GNAL: variants seen among roughly 807,000 people sequenced by gnomAD.
The protein encoded by GNAL is G protein subunit alpha L.
Under a neutral mutation model 55.1 loss-of-function variants are expected in GNAL, and 18 were observed. The observed-to-expected ratio is 0.33, with a 90% CI of 0.23 to 0.48. GNAL has a LOEUF of 0.48. GNAL is among the 20% of genes least tolerant of loss of function. The pLI is 0.99. For synonymous variants in GNAL, 253 were observed against 237.0 expected (o/e 1.07, Z -0.62); for missense variants, 412 against 614.1 (o/e 0.67, Z 3.48).
In GNAL at chr18:11,881,382, G is replaced by GA. The variant is rs142055792; in HGVS notation, c.*249dup. The GA allele has an allele frequency of 4.4e-3, 1,907 of 436,506 alleles. 30 individuals carry two copies. The highest frequency in any genetic ancestry group is 0.035 in the African/African-American group (1,777 of 50,806). The allele number at this position is 436,506 out of a possible 1,614,324, so 27.0% of individuals were successfully genotyped here. A position where few individuals can be genotyped will look rare whatever the true frequency, so the allele number is the denominator to read the frequency against. ...GACTCTCATTGCCGACACTGCAGCA[G>GA]AATCTCTCCGGGTGGGAGCCCCATT... On this transcript the variant is annotated 3_prime_UTR_variant, in exon 12 of 12. Coordinates refer to ENST00000334049, the MANE Select transcript of GNAL (RefSeq NM_182978.4). The surrounding 1 kb of genome is among the most constrained non-coding windows in gnomAD (Gnocchi z 4.8).
chr18:11,769,656 T>C (rs1449061226), intron 4 of GNAL, among the ~76,000 whole-genome samples: 2 of 152,228 alleles, frequency 1.3e-5, no homozygotes, highest in Non-Finnish European at 1.5e-5. Context: ...GTAAAGAATA[T>C]GTTCAAACAA....
intron 1 of GNAL, among the ~76,000 whole-genome samples, chr18:11,723,011 CA>C (rs61457198): frequency 0.018 from 1,472 of 79,944 alleles, 24 homozygotes; most frequent in African/African-American, 0.064. Context: ...AACTTCATCT[CA>C]AAAAAAAAAA....
At chr18:11,730,790 A>G (rs2032322461) in intron 1 of GNAL, among the ~76,000 whole-genome samples, 1 of 152,122 alleles carries the variant, frequency 6.6e-6, no homozygotes, top group Non-Finnish European at 1.5e-5. Flanking sequence ...AAAATAAAAT[A>G]AAGACTTGAA....
rs8098896 is a variant in GNAL at position 11,715,321 on chromosome 18, C to T, written c.376+25382C>T. On this transcript the variant is annotated intron_variant, in intron 1 of 11. Coordinates refer to ENST00000334049, the MANE Select transcript of GNAL (RefSeq NM_182978.4). ...AAAAAAATACAAAAAATTAGCCAGG[C>T]GTGGTGGTGGGCACCTGTAGTCCCA... Among the ~76,000 whole-genome samples, 405 of 151,538 alleles carry T rather than the reference C, an allele frequency of 2.7e-3. 2 individuals carry two copies. The highest frequency in any genetic ancestry group is 9.6e-3 in the African/African-American group (396 of 41,338).
Position 11,704,720 on chromosome 18 carries a change from C to T in GNAL, c.376+14781C>T, listed in dbSNP as rs567922944. On this transcript the variant is annotated intron_variant, in intron 1 of 11. Transcript: ENST00000334049. ...CTCCTTATCAAAGCTTGCTCATACC[C>T]AGAACATTTTACTCGTTCCTGTGAA... is the stretch of plus-strand genomic sequence containing the variant. Among the ~76,000 whole-genome samples the T allele has an allele frequency of 2.0e-5, 3 of 152,234 alleles. No homozygotes were observed. The East Asian group carries it at 5.8e-4, about 29-fold the overall frequency.
At chr18:11,852,597 T>C (rs1049514462) in intron 5 of GNAL, 3 of 130,014 alleles carry the variant, frequency 2.3e-5, no homozygotes, top group African/African-American at 1.0e-4. Context: ...TGTTTATCCT[T>C]TGGGTTTTGG....
chr18:11,862,517 G>T (rs1468383109), intron 6 of GNAL, 68 bp downstream of exon 6: 2 of 1,247,760 alleles, frequency 1.6e-6, no homozygotes, highest in Non-Finnish European at 2.4e-6. Context: ...ATGATTTAAT[G>T]ATTATTTCAG....
intron 1 of GNAL, among the ~76,000 whole-genome samples, chr18:11,713,803 A>C (rs1405446942): frequency 1.3e-5 from 2 of 152,234 alleles, no homozygotes; most frequent in African/African-American, 2.4e-5. Context: ...TTCCTGGAGC[A>C]TAAAATGAAG....
intron 1 of GNAL, among the ~76,000 whole-genome samples, chr18:11,738,683 A>T (rs921127776): frequency 1.3e-5 from 2 of 152,116 alleles, no homozygotes; most frequent in Admixed American, 6.5e-5. Context: ...TCCTGGCCTC[A>T]AGTGATCCGC....
At chr18:11,877,915 T>G (rs1401324846) in intron 11 of GNAL, among the ~76,000 whole-genome samples, 11 of 60,302 alleles carry the variant, frequency 1.8e-4, no homozygotes, top group Admixed American at 1.8e-3. Context: ...CCCAGAGAGC[T>G]TCTGCAGCTG....
rs1339938886 is a variant in GNAL, at chr18:11,751,801, CG to C, written c.377-1050del. 3 of 325,836 alleles carry C rather than the reference CG, an allele frequency of 9.2e-6. No individual in the cohort carries two copies. The highest frequency in any genetic ancestry group is 1.3e-5 in the Non-Finnish European group (3 of 226,950). 20.2% of individuals were successfully genotyped at this position (325,836 alleles called of 1,614,324 possible). A position where few individuals can be genotyped will look rare whatever the true frequency, so the allele number is the denominator to read the frequency against. On this transcript the variant is annotated intron_variant, in intron 1 of 11. Transcript: ENST00000334049. The surrounding 1 kb of genome is among the most constrained non-coding windows in gnomAD (Gnocchi z 4.5). Reference sequence around the variant, plus strand: ...TCCGAGAGCTCCGGGACCAGCGGCCCGGCCGCCCCCAAAGCCAGCCTCCCTC... The same window carrying C: ...TCCGAGAGCTCCGGGACCAGCGGCCCGCCGCCCCCAAAGCCAGCCTCCCTC...
intron 11 of GNAL, among the ~76,000 whole-genome samples, chr18:11,878,099 T>C (rs1475791025): frequency 6.6e-6 from 1 of 152,202 alleles, no homozygotes; most frequent in Non-Finnish European, 1.5e-5. Context: ...GAAAATGCTG[T>C]TCTAATGAGA....
chr18:11,806,523 A>G (rs2034665379), intron 4 of GNAL, among the ~76,000 whole-genome samples: 1 of 152,278 alleles, frequency 6.6e-6, no homozygotes, highest in South Asian at 2.1e-4. Flanking sequence ...TTTTGTATAT[A>G]GTGAGAGATA....
intron 5 of GNAL, among the ~76,000 whole-genome samples, chr18:11,860,313 A>C (rs887812311): frequency 1.3e-5 from 2 of 152,234 alleles, no homozygotes; most frequent in East Asian, 1.9e-4. Context: ...TCCCATGGCC[A>C]TGCCTCAGTT....
In GNAL at chr18:11,818,997, T is replaced by C. The variant is rs1259483157; in HGVS notation, c.625-5921T>C. 2.0e-5 allele frequency among the ~76,000 whole-genome samples: 3 copies of C among 152,310 alleles called. No homozygotes were observed. The East Asian group carries it at 5.8e-4, about 29-fold the overall frequency. ...TGTGGACCACCGGCCACCCCCAGCA[T>C]GGCGAGTGGGAGCAGGGCGGCCTGA... On this transcript the variant is annotated intron_variant, in intron 4 of 11. Transcript: ENST00000334049.
rs992860026 is a variant in GNAL, at chr18:11,780,037, C to T, written c.624+26092C>T. On this transcript the variant is annotated intron_variant, in intron 4 of 11. Transcript: ENST00000334049. Reference sequence around the variant, plus strand: ...ATACCATTGCAACATGCATCATTAGCGCAGTTAGTACCTTGTTACAGCTTT... The same window carrying T: ...ATACCATTGCAACATGCATCATTAGTGCAGTTAGTACCTTGTTACAGCTTT... Among the ~76,000 whole-genome samples, 4 of 152,190 alleles carry T rather than the reference C, an allele frequency of 2.6e-5. No homozygotes were observed. In the East Asian group the frequency reaches 5.8e-4, roughly 22 times the overall value.
chr18:11,704,215 G>C (rs1018645188), intron 1 of GNAL, among the ~76,000 whole-genome samples: 1 of 152,188 alleles, frequency 6.6e-6, no homozygotes, highest in African/African-American at 2.4e-5. Context: ...TCACACCCTA[G>C]ACCCGTGGGT....
chr18:11,756,140 G>A (rs1334649836), intron 4 of GNAL, among the ~76,000 whole-genome samples: 3 of 152,084 alleles, frequency 2.0e-5, no homozygotes, highest in Admixed American at 2.0e-4. Flanking sequence ...GGTTGATGAG[G>A]CATCCCATAT....
chr18:11,845,089 C>T (rs2035701930), intron 5 of GNAL, among the ~76,000 whole-genome samples: 1 of 152,190 alleles, frequency 6.6e-6, no homozygotes, highest in African/African-American at 2.4e-5. Flanking sequence ...TGGTCTCAAT[C>T]TCCTGACCTT....
Sources: gnomAD v4.1 joint callset for allele counts (sites outside exome capture counted in the v4.1 genomes callset) on GRCh38, gnomAD v4.1.1 for gene constraint, Gnocchi (gnomAD v3.1) non-coding constraint, MANE v1.5 for transcripts, NCBI Gene and HGNC (gene_info 2026-07-23, HGNC 2026-07-21) for gene names.